Variants in EPG5 observed in about 807,000 individuals in gnomAD.
EPG5 encodes ectopic P-granules 5 autophagy tethering factor.
Under a neutral mutation model 302.7 loss-of-function variants are expected in EPG5, and 159 were observed. That is an observed-to-expected ratio of 0.53 (90% CI 0.46 to 0.60). The LOEUF (loss-of-function observed/expected upper bound fraction) is 0.60. Ranked by LOEUF, EPG5 falls within the 20% of genes least tolerant of loss-of-function variation. The pLI, the probability that EPG5 is intolerant of heterozygous loss-of-function variation, is 0.00. For synonymous variants in EPG5, 1,158 were observed against 1,136.8 expected (o/e 1.02, Z -0.37); for missense variants, 2,896 against 3,092.4 (o/e 0.94, Z 1.51).
At chr18:45,821,353 T>C in the EPG5 span, among the ~76,000 whole-genome samples, 1 of 152,264 alleles carries the variant, frequency 6.6e-6, no homozygotes, top group East Asian at 1.9e-4. Flanking sequence ...AAAGTTGCTA[T>C]ATGTGGAATT....
intron 10 of EPG5, among the ~76,000 whole-genome samples, chr18:45,935,214 T>C (rs1387942566): frequency 1.3e-5 from 2 of 152,118 alleles, no homozygotes; most frequent in Non-Finnish European, 1.5e-5. Flanking sequence ...ATGTACAATA[T>C]CAACTCAAAC....
chr18:45,894,852 G>A (rs561081548), intron 27 of EPG5, among the ~76,000 whole-genome samples: 11 of 152,278 alleles, frequency 7.2e-5, no homozygotes, highest in African/African-American at 2.2e-4. Context: ...TATGAAGGGC[G>A]CTAAGGGTCA....
chr18:45,912,780 T>C (rs954308645), intron 21 of EPG5, among the ~76,000 whole-genome samples: 3 of 152,108 alleles, frequency 2.0e-5, no homozygotes, highest in Non-Finnish European at 2.9e-5. Context: ...TGCAAGGGAA[T>C]AGAAAGATAT....
At chr18:45,837,590 T>C in the EPG5 span, 2 of 1,512,938 alleles carry the variant, frequency 1.3e-6, no homozygotes, top group Non-Finnish European at 1.8e-6. Flanking sequence ...AGTGCTGCCC[T>C]GCACCTTCAC....
chr18:45,804,104 G>A, the EPG5 span, among the ~76,000 whole-genome samples: 4,243 of 152,094 alleles, frequency 0.028, 191 homozygotes, highest in African/African-American at 0.096. Flanking sequence ...AAATAGAGAC[G>A]CCTAAAATTA....
At chr18:45,855,401 T>A (rs1267681852) in intron 43 of EPG5, 172 bp downstream of exon 43, 8 of 546,638 alleles carry the variant, frequency 1.5e-5, no homozygotes, top group Admixed American at 3.2e-5. Flanking sequence ...CTACAAAAAT[T>A]TGGAGGTTGG....
chr18:45,943,368 G>T, intron 8 of EPG5, 57 bp from the exon 9 acceptor site: 2 of 1,433,564 alleles, frequency 1.4e-6, no homozygotes, highest in South Asian at 1.2e-5. Context: ...AAACATGAAC[G>T]GATACATCTG....
At chr18:45,916,975 T>C (rs1452249315) in intron 17 of EPG5, among the ~76,000 whole-genome samples, 4 of 152,114 alleles carry the variant, frequency 2.6e-5, no homozygotes, top group African/African-American at 9.7e-5. Context: ...AAGGGTTAGG[T>C]GAGTAGTTCC....
chr18:45,823,311 T>C, the EPG5 span, among the ~76,000 whole-genome samples: 296 of 152,238 alleles, frequency 1.9e-3, 1 homozygote, highest in African/African-American at 6.2e-3. Flanking sequence ...GAGGGGTGCA[T>C]GATCATATTT....
At position 45,849,652 on chromosome 18, in the gene EPG5, C is replaced by A. The variant is rs529113888; in HGVS notation, c.*2815G>T. ...TTGGTTGAAAGGAAGTTAGGCTGGT[C>A]TATGGGTTTTCATTTTCTGGACTAG... On this transcript the variant is annotated 3_prime_UTR_variant, in exon 44 of 44. Coordinates refer to ENST00000282041, the MANE Select transcript of EPG5 (RefSeq NM_020964.3). 6.6e-6 allele frequency: 1 copy of A among 152,366 alleles called. No homozygotes were observed. Among genetic ancestry groups the A allele is most frequent in the South Asian group, 2.1e-4 (1 of 4,826 alleles). The allele number at this position is 152,366 out of a possible 1,614,324, so 9.4% of individuals were successfully genotyped here.
At chr18:45,943,697 G>A (rs574413655) in intron 8 of EPG5, among the ~76,000 whole-genome samples, 6 of 152,142 alleles carry the variant, frequency 3.9e-5, no homozygotes, top group Admixed American at 2.6e-4. Context: ...GGAGACGGGC[G>A]GATCACGAAG....
At chr18:45,810,163 A>C in the EPG5 span, among the ~76,000 whole-genome samples, 1 of 152,224 alleles carries the variant, frequency 6.6e-6, no homozygotes, top group Non-Finnish European at 1.5e-5. Context: ...AGCTTAAATC[A>C]GGAAGAATTA....
intron 11 of EPG5, among the ~76,000 whole-genome samples, chr18:45,932,943 T>G (rs1054440002): frequency 1.3e-5 from 2 of 152,032 alleles, no homozygotes; most frequent in African/African-American, 4.8e-5. Context: ...CTGAGCTGTT[T>G]GACATCGGCT....
Position 45,867,642 on chromosome 18 carries a change from G to C in EPG5, c.6332C>G (p.Pro2111Arg). 1 of 1,614,092 alleles carries C rather than the reference G, an allele frequency of 6.2e-7. No homozygotes were observed. The highest frequency in any genetic ancestry group is 1.1e-5 in the South Asian group (1 of 91,070). Residue 2111 changes from proline (P) to arginine (R), a missense_variant, in exon 37 of 44, where the codon CCA becomes CGA. Physicochemically the swap from Pro to Arg is moderately radical, Grantham distance 103. Around this residue, in one of 5 missense-constraint regions of EPG5, gnomAD observed 620 missense variants for 704.2 expected, o/e 0.88. Transcript: ENST00000282041. ...LSDAWNSSPH[P>R]ETRSMIVCLL... ...GCAGACAATCATGCTGCGGGTTTCT[G>C]GGTGGGGACTGGAATTCCAGGCATC... is the stretch of plus-strand genomic sequence containing the variant.
chr18:45,939,791 T>G, intron 9 of EPG5, 36 bp from the exon 10 acceptor site: 1 of 1,580,752 alleles, frequency 6.3e-7, no homozygotes, highest in South Asian at 1.1e-5. Context: ...TACTTTTCAT[T>G]AGCTCAATAT....
chr18:45,930,771 T>G lies in EPG5; in HGVS notation c.2317A>C (p.Ile773Leu). Residue 773 changes from isoleucine to leucine, a missense_variant, in exon 12 of 44, where the codon ATT becomes CTT. Physicochemically the swap from Ile to Leu is conservative, Grantham distance 5 (BLOSUM62 2). Around this residue, in one of 5 missense-constraint regions of EPG5, gnomAD observed 1,390 missense variants for 1,430.0 expected, o/e 0.97. Transcript: ENST00000282041. ...TGAGCAAAGGTAGTCAGAAGGCAAA[T>G]CTCTTCTGAGCTATTCATAGAAGAA... ...CLSSMNSSEE[I>L]CLLTTFAQMA... is the part of the protein sequence containing the mutation. 6.2e-7 allele frequency: 1 copy of G among 1,612,072 alleles called. No individual in the cohort carries two copies. The highest frequency in any genetic ancestry group is 1.6e-4 in the Middle Eastern group (1 of 6,062).
downstream of EPG5, chr18:45,844,136 C>A (rs1241758257): frequency 6.6e-6 from 1 of 151,862 alleles, no homozygotes; most frequent in Non-Finnish European, 1.5e-5. Context: ...GAACTGGCAG[C>A]CATTATGTTA....
chr18:45,865,963 C>A (rs907352138), intron 38 of EPG5, among the ~76,000 whole-genome samples: 1 of 152,136 alleles, frequency 6.6e-6, no homozygotes, highest in Non-Finnish European at 1.5e-5. Flanking sequence ...GACCAGGGCC[C>A]ATGTTTTCCC....
intron 24 of EPG5, among the ~76,000 whole-genome samples, chr18:45,904,440 G>A (rs2049699087): frequency 6.6e-6 from 1 of 151,912 alleles, no homozygotes. Context: ...ATGTTAAAGA[G>A]GTAAAAAATA....
Sources: allele counts gnomAD v4.1 joint callset (sites outside exome capture counted in the v4.1 genomes callset), GRCh38; gene constraint gnomAD v4.1.1; regional missense constraint gnomAD v4.1.1; transcripts MANE v1.5; gene names NCBI Gene and HGNC (gene_info 2026-07-23, HGNC 2026-07-21).